The following SLC38A1 variants were observed in gnomAD, a reference collection of about 807,000 sequenced individuals.
SLC38A1 encodes the protein solute carrier family 38 member 1.
SLC38A1 carries 18 observed loss-of-function variants against 60.3 expected under a neutral mutation model. The observed-to-expected ratio is 0.30, with a 90% CI of 0.21 to 0.44. The LOEUF (loss-of-function observed/expected upper bound fraction) is 0.44, where lower values mean the gene tolerates loss of function less well. Ranked by LOEUF, SLC38A1 falls within the 20% of genes least tolerant of loss-of-function variation. The pLI is 1.00. For missense variants in SLC38A1, 448 were observed against 587.2 expected (o/e 0.76, Z 2.45); for synonymous variants, 196 against 212.1 (o/e 0.92, Z 0.66).
chr12:46,231,878 A>G (rs1394162648), intron 3 of SLC38A1, among the ~76,000 whole-genome samples: 2 of 152,176 alleles, frequency 1.3e-5, no homozygotes, highest in Non-Finnish European at 2.9e-5. Context: ...GGCCTCCCAA[A>G]GTGTTGGGAT....
chr12:46,214,739 A>T (rs934979461), intron 5 of SLC38A1, among the ~76,000 whole-genome samples: 7 of 152,224 alleles, frequency 4.6e-5, no homozygotes, highest in African/African-American at 1.4e-4. Flanking sequence ...GGGAGATAAG[A>T]CTATATTTTA....
At chr12:46,225,678 T>C (rs1225806671) in intron 5 of SLC38A1, among the ~76,000 whole-genome samples, 1 of 152,166 alleles carries the variant, frequency 6.6e-6, no homozygotes, top group African/African-American at 2.4e-5. Flanking sequence ...GTGAAGCTAT[T>C]GCGAACAAGC....
chr12:46,245,032 G>A (rs1451446279), intron 1 of SLC38A1, among the ~76,000 whole-genome samples: 1 of 152,054 alleles, frequency 6.6e-6, no homozygotes, highest in African/African-American at 2.4e-5. Flanking sequence ...TTATTTTGCA[G>A]CAGGTCCTTG....
rs999206330 is a variant in SLC38A1, at chr12:46,233,133, C to T, written c.123-3494G>A. Among the ~76,000 whole-genome samples the T allele has an allele frequency of 3.9e-5, 6 of 152,124 alleles. No individual in the cohort carries two copies. The East Asian group carries it at 1.2e-3, about 29-fold the overall frequency. ...TCCTAGGCTCAAGTAATCCTCCTGC[C>T]TCAGCCTCCCAAGTAGCTGGGACTA... On this transcript the variant is annotated intron_variant, in intron 3 of 16. Coordinates refer to ENST00000398637, the MANE Select transcript of SLC38A1 (RefSeq NM_030674.4).
intron 16 of SLC38A1, among the ~76,000 whole-genome samples, chr12:46,194,414 G>T (rs1939277719): frequency 6.6e-6 from 1 of 152,188 alleles, no homozygotes; most frequent in Admixed American, 6.5e-5. Context: ...TATGTGTCTT[G>T]GGGTTGCTCT....
At chr12:46,196,406 T>C (rs1939381593) in intron 16 of SLC38A1, 2 of 1,260,024 alleles carry the variant, frequency 1.6e-6, no homozygotes, top group African/African-American at 1.5e-5. Context: ...AAGACCCTAC[T>C]ACTAGTTTCA....
chr12:46,244,121 ATACC>A (rs1941537325), intron 1 of SLC38A1, among the ~76,000 whole-genome samples: 1 of 152,222 alleles, frequency 6.6e-6, no homozygotes, highest in African/African-American at 2.4e-5. Context: ...AGAGACACAC[ATACC>A]TACACAGTGC....
In SLC38A1 at chr12:46,209,421, A is replaced by T. The variant is rs576657086; in HGVS notation, c.315-294T>A. On this transcript the variant is annotated intron_variant, in intron 5 of 16. Transcript: ENST00000398637. The stretch of plus-strand genomic sequence containing the variant: ...TGACTTTAAAACAACATTATGAAAG[A>T]AGGCTTTTGTAGTCTATGTTGCACT... Among the ~76,000 whole-genome samples the T allele has an allele frequency of 1.4e-4, 22 of 152,316 alleles. No homozygotes were observed. In the East Asian group the frequency reaches 3.3e-3, roughly 23 times the overall value.
intron 14 of SLC38A1, 84 bp downstream of exon 14, chr12:46,198,541 G>T: frequency 2.3e-6 from 2 of 886,706 alleles, no homozygotes; most frequent in East Asian, 2.6e-5. Flanking sequence ...ACCTGGGGCA[G>T]GCTTTCTCTG....
rs1592284046 is a variant in SLC38A1 at position 46,186,093 on chromosome 12, T to C, written c.*2877A>G. 2 of 152,188 alleles carry C rather than the reference T, an allele frequency of 1.3e-5. No individual in the cohort carries two copies. The highest frequency in any genetic ancestry group is 4.8e-5 in the African/African-American group (2 of 41,438). The allele number at this position is 152,188 out of a possible 1,614,324, so 9.4% of individuals were successfully genotyped here. A position where few individuals can be genotyped will look rare whatever the true frequency, so the allele number is the denominator to read the frequency against. ...AGCTGCTCTAGGGGCCTAACCACCA[T>C]GGATAACCTGGTCTCTAAAGGAAAA... On this transcript the variant is annotated 3_prime_UTR_variant, in exon 17 of 17. Transcript: ENST00000398637.
At chr12:46,249,893 G>T (rs922568345) in intron 1 of SLC38A1, among the ~76,000 whole-genome samples, 2 of 152,162 alleles carry the variant, frequency 1.3e-5, no homozygotes, top group Admixed American at 6.5e-5. Flanking sequence ...ATTCACAGAC[G>T]AACTCTACCA....
Position 46,183,575 on chromosome 12 carries a change from T to G in SLC38A1, c.*5395A>C. On this transcript the variant is annotated 3_prime_UTR_variant, in exon 17 of 17. Transcript: ENST00000398637. ...CAGCAATTCAATTGTGAAAAAAACA[T>G]TCTTCTCCCCAGCTTCTGTTTTCAT... The G allele has an allele frequency of 6.6e-6, 1 of 152,220 alleles. No homozygotes were observed. The highest frequency in any genetic ancestry group is 1.9e-4 in the East Asian group (1 of 5,204). The allele number at this position is 152,220 out of a possible 1,614,324, so 9.4% of individuals were successfully genotyped here. A position where few individuals can be genotyped will look rare whatever the true frequency, so the allele number is the denominator to read the frequency against.
rs1938915424 is a variant in SLC38A1 at position 46,185,725 on chromosome 12, G to A, written c.*3245C>T. On this transcript the variant is annotated 3_prime_UTR_variant, in exon 17 of 17. Transcript: ENST00000398637. Reference sequence around the variant, plus strand: ...CCTCCGGACAACAGCAGAGTTACCAGCTGAGGGATGTCCCTGGAGGTTTCT... The same window carrying A: ...CCTCCGGACAACAGCAGAGTTACCAACTGAGGGATGTCCCTGGAGGTTTCT... 6.6e-6 allele frequency: 1 copy of A among 152,038 alleles called. No homozygotes were observed. The highest frequency in any genetic ancestry group is 1.5e-5 in the Non-Finnish European group (1 of 68,072). The allele number at this position is 152,038 out of a possible 1,614,324, so 9.4% of individuals were successfully genotyped here.
intron 1 of SLC38A1, among the ~76,000 whole-genome samples, chr12:46,262,088 C>T (rs1441642521): frequency 6.6e-6 from 1 of 152,188 alleles, no homozygotes; most frequent in Non-Finnish European, 1.5e-5. Context: ...CTTTGTGGGG[C>T]ATGGAGATGA....
intron 5 of SLC38A1, among the ~76,000 whole-genome samples, chr12:46,219,465 A>T (rs1385420573): frequency 4.6e-5 from 7 of 152,214 alleles, no homozygotes; most frequent in Non-Finnish European, 8.8e-5. Flanking sequence ...ACACAAAAGG[A>T]GGCTGCGGGT....
intron 5 of SLC38A1, among the ~76,000 whole-genome samples, chr12:46,218,921 G>A (rs1940535232): frequency 6.6e-6 from 1 of 152,168 alleles, no homozygotes; most frequent in African/African-American, 2.4e-5. Flanking sequence ...TCTGGGTGGT[G>A]TCAGCTGATA....
At position 46,193,032 on chromosome 12, in the gene SLC38A1, G is replaced by A. The variant is rs536480727; in HGVS notation, c.1363-3961C>T. ...CTTTTAATTGTGATGTAGGGGTGTC[G>A]ATTTTAGATCTTCCTTGCTTTCTCT... On this transcript the variant is annotated intron_variant, in intron 16 of 16. Transcript: ENST00000398637. Among the ~76,000 whole-genome samples the A allele has an allele frequency of 6.6e-5, 10 of 152,154 alleles. No individual in the cohort carries two copies. The South Asian group carries it at 1.7e-3, about 25-fold the overall frequency.
rs1035851969 is a variant in SLC38A1 at position 46,239,731 on chromosome 12, T to C, written c.70A>G (p.Ile24Val). ...GTGAAATCATTGGAGTCATTGCTAA[T>C]GTTATCATCCTCGGGCACTGTCATG... is the stretch of plus-strand genomic sequence containing the variant. ...QNMTVPEDDN[I>V]SNDSNDFTEV... is the part of the protein sequence containing the mutation. The change falls in exon 3 of 17, where the codon ATT becomes GTT. Residue 24 changes from isoleucine (I) to valine (V), a missense_variant. Transcript: ENST00000398637. 6.2e-7 allele frequency: 1 copy of C among 1,613,750 alleles called. No homozygotes were observed. Among genetic ancestry groups the C allele is most frequent in the Non-Finnish European group, 8.5e-7 (1 of 1,179,960 alleles).
intron 5 of SLC38A1, among the ~76,000 whole-genome samples, chr12:46,215,657 C>T (rs1330875330): frequency 1.3e-5 from 2 of 152,110 alleles, no homozygotes; most frequent in East Asian, 1.9e-4. Context: ...ATCTGCCCAC[C>T]TCAAGCATTA....
Sources: allele counts gnomAD v4.1 joint callset (sites outside exome capture counted in the v4.1 genomes callset), GRCh38; gene constraint gnomAD v4.1.1; transcripts MANE v1.5; gene names NCBI Gene and HGNC (gene_info 2026-07-23, HGNC 2026-07-21).